CENPK: variants seen among roughly 807,000 people sequenced by gnomAD.
The protein encoded by CENPK is SoxLZ/Sox6-binding protein Solt.
CENPK carries 46 observed loss-of-function variants against 40.9 expected under a neutral mutation model. The observed-to-expected ratio is 1.13, with a 90% CI of 0.89 to 1.44. The LOEUF is 1.44. Among genes scored for constraint, CENPK ranks in the 40% most tolerant of loss-of-function variants. The pLI is 0.00. For missense variants in CENPK, 288 were observed against 303.5 expected, an observed-to-expected ratio of 0.95 and a Z score of 0.38; for synonymous variants, 107 against 104.4, an observed-to-expected ratio of 1.02 and a Z score of -0.15.
downstream of CENPK, among the ~76,000 whole-genome samples, chr5:65,513,060 A>T (rs762288841): frequency 1.6e-4 from 24 of 152,156 alleles, no homozygotes; most frequent in Non-Finnish European, 3.4e-4. Flanking sequence ...TTCATTGTAT[A>T]TTTTGGATAC....
Position 65,529,098 on chromosome 5 carries a change from A to G in CENPK, c.371+19T>C. 6.4e-7 allele frequency: 1 copy of G among 1,560,800 alleles called. No individual in the cohort carries two copies. On this transcript the variant is annotated intron_variant, in intron 7 of 10. Coordinates refer to ENST00000396679, the MANE Select transcript of CENPK (RefSeq NM_022145.5). ...TTAATATATATGAATGATTAATAGTAATTGTAACATAAACAAACCTTTCTA... is the reference window on the plus strand; with the variant it reads ...TTAATATATATGAATGATTAATAGTGATTGTAACATAAACAAACCTTTCTA...
intron 5 of CENPK, among the ~76,000 whole-genome samples, chr5:65,546,826 T>C (rs1430006591): frequency 2.6e-5 from 4 of 152,200 alleles, no homozygotes; most frequent in African/African-American, 9.6e-5. Flanking sequence ...CTTTAACTTG[T>C]ATCTTCCAGA....
chr5:65,558,130 A>G (rs1262725953), intron 2 of CENPK, among the ~76,000 whole-genome samples: 1 of 152,042 alleles, frequency 6.6e-6, no homozygotes, highest in African/African-American at 2.4e-5. Flanking sequence ...AAAAACAAAC[A>G]AACAAAACAA....
rs1199984915 is a variant in CENPK, at chr5:65,518,026, C to T, written c.*449G>A. ...TTTGCTAAATATTTTTAAATTATGC[C>T]ACCTCAGATATTACCTCAATTTTAA... On this transcript the variant is annotated 3_prime_UTR_variant, in exon 11 of 11. Transcript: ENST00000396679. The T allele has an allele frequency of 6.6e-6, 1 of 151,956 alleles. No homozygotes were observed. Among genetic ancestry groups the T allele is most frequent in the African/African-American group, 2.4e-5 (1 of 41,366 alleles). The allele number at this position is 151,956 out of a possible 1,614,324, so 9.4% of individuals were successfully genotyped here. A position where few individuals can be genotyped will look rare whatever the true frequency, so the allele number is the denominator to read the frequency against.
chr5:65,521,562 A>C, intron 9 of CENPK, 34 bp from the exon 10 acceptor site: 1 of 1,364,130 alleles, frequency 7.3e-7, no homozygotes, highest in Non-Finnish European at 1.0e-6. Context: ...AACAATTACC[A>C]CTTCACTTCT....
At chr5:65,513,023 T>G (rs1742631416), downstream of CENPK, among the ~76,000 whole-genome samples, 1 of 152,136 alleles carries the variant, frequency 6.6e-6, no homozygotes, top group Admixed American at 6.5e-5. Flanking sequence ...TTTTAATTGG[T>G]TTTTCTTATT....
the CENPK span, among the ~76,000 whole-genome samples, chr5:65,498,900 T>C: frequency 6.6e-6 from 1 of 152,032 alleles, no homozygotes. Context: ...TCCCTAAGTG[T>C]TGGGATTACG....
intron 2 of CENPK, chr5:65,555,171 G>A: frequency 4.1e-6 from 1 of 246,874 alleles, no homozygotes; most frequent in Non-Finnish European, 7.6e-6. Context: ...GAAAAGACAA[G>A]GAAGAAACAT....
At chr5:65,514,301 TC>T (rs1742712998), downstream of CENPK, among the ~76,000 whole-genome samples, 1 of 137,036 alleles carries the variant, frequency 7.3e-6, no homozygotes, top group Admixed American at 8.3e-5. Flanking sequence ...TCTCACTTTG[TC>T]ACCCAGGCTG....
chr5:65,517,631 A>C (rs528779934), downstream of CENPK: 2 of 152,172 alleles, frequency 1.3e-5, no homozygotes, highest in Admixed American at 6.5e-5. Context: ...TTATCTTAGA[A>C]AACTAATGAT....
At chr5:65,527,711 T>C (rs1048668598) in intron 9 of CENPK, among the ~76,000 whole-genome samples, 6 of 151,872 alleles carry the variant, frequency 4.0e-5, no homozygotes, top group African/African-American at 1.5e-4. Flanking sequence ...TTGTACATAC[T>C]CATCACAGAA....
At chr5:65,497,683 T>C in the CENPK span, among the ~76,000 whole-genome samples, 5 of 152,150 alleles carry the variant, frequency 3.3e-5, no homozygotes, top group African/African-American at 1.2e-4. Flanking sequence ...TTTAGAAGTC[T>C]GTCTACTGTA....
chr5:65,522,261 G>A (rs1437516775), intron 9 of CENPK, among the ~76,000 whole-genome samples: 1 of 152,130 alleles, frequency 6.6e-6, no homozygotes, highest in East Asian at 1.9e-4. Context: ...GCTCTTGACA[G>A]TTTGTCATGT....
chr5:65,552,674 G>A (rs1274224015), intron 3 of CENPK, 125 bp from the exon 4 acceptor site: 8 of 486,824 alleles, frequency 1.6e-5, no homozygotes, highest in Admixed American at 3.9e-5. Flanking sequence ...ATGGAGAAGA[G>A]TTTATTGAAA....
intron 6 of CENPK, among the ~76,000 whole-genome samples, 179 bp downstream of exon 6, chr5:65,542,623 C>T (rs1470137535): frequency 2.7e-5 from 4 of 150,150 alleles, no homozygotes; most frequent in South Asian, 2.1e-4. Flanking sequence ...GGCAACAGAG[C>T]GAGACTCCGT....
At chr5:65,546,743 A>C (rs1561674356) in intron 5 of CENPK, among the ~76,000 whole-genome samples, 1 of 152,250 alleles carries the variant, frequency 6.6e-6, no homozygotes. Flanking sequence ...ATGTGAAGAC[A>C]CAGGAAGAAG....
chr5:65,531,721 C>A (rs532609017), intron 6 of CENPK, among the ~76,000 whole-genome samples: 4 of 152,218 alleles, frequency 2.6e-5, no homozygotes, highest in Admixed American at 2.6e-4. Flanking sequence ...CCAGGATGGT[C>A]TCGATCTCCT....
chr5:65,516,113 C>T (rs75620092), downstream of CENPK, among the ~76,000 whole-genome samples: 366 of 152,262 alleles, frequency 2.4e-3, 2 homozygotes, highest in African/African-American at 8.5e-3. Context: ...CAAACACTAT[C>T]GCACTGGGGG....
At chr5:65,527,498 CATATATATATATATATATAT>C (rs70983674) in intron 9 of CENPK, among the ~76,000 whole-genome samples, 6,656 of 91,274 alleles carry the variant, frequency 0.073, 248 homozygotes, top group Admixed American at 0.095. Context: ...TTATTAACAC[CATATATATATATATATATAT>C]ATATATATAT....
Sources: allele counts gnomAD v4.1 joint callset (sites outside exome capture counted in the v4.1 genomes callset), GRCh38; gene constraint gnomAD v4.1.1; transcripts MANE v1.5; gene names NCBI Gene and HGNC (gene_info 2026-07-23, HGNC 2026-07-21).